The following HDAC9 variants were observed in gnomAD, a reference collection of about 807,000 sequenced individuals.
HDAC9 encodes the protein MEF-2 interacting transcription repressor (MITR) protein.
A neutral mutation model predicts 139.4 loss-of-function variants in HDAC9; 41 were observed. The ratio of observed to expected loss-of-function variants is 0.29; its 90% CI spans 0.23 to 0.38. HDAC9 has a LOEUF of 0.38. Among genes scored for constraint, HDAC9 ranks in the 10% least tolerant of loss-of-function variants. The pLI, the probability that HDAC9 is intolerant of heterozygous loss-of-function variation, is 1.00. For synonymous variants in HDAC9, 517 were observed against 476.2 expected, an observed-to-expected ratio of 1.09 and a Z score of -1.12; for missense variants, 1,147 against 1,297.0, an observed-to-expected ratio of 0.88 and a Z score of 1.78.
At chr7:18,206,118 A>G (rs1791493778) in intron 2 of HDAC9, among the ~76,000 whole-genome samples, 1 of 152,132 alleles carries the variant, frequency 6.6e-6, no homozygotes, top group African/African-American at 2.4e-5. Flanking sequence ...TTTTATGAAA[A>G]CCTGATTGGA....
chr7:18,729,341 T>G (rs1003463728), intron 13 of HDAC9, among the ~76,000 whole-genome samples: 6 of 152,132 alleles, frequency 3.9e-5, no homozygotes, highest in Non-Finnish European at 7.4e-5. Context: ...TTAAGTAAGC[T>G]TAACTACAAA....
intron 22 of HDAC9, chr7:18,907,064 A>C (rs78559311): frequency 6.6e-6 from 1 of 152,222 alleles, no homozygotes; most frequent in Non-Finnish European, 1.5e-5. Context: ...ACCAGCTGCA[A>C]GTGCATCCAA....
intron 12 of HDAC9, among the ~76,000 whole-genome samples, chr7:18,707,686 A>G (rs916657582): frequency 1.3e-5 from 2 of 152,174 alleles, no homozygotes; most frequent in African/African-American, 4.8e-5. Context: ...CATGGTGGAT[A>G]TGGGCAATTA....
intron 1 of HDAC9, among the ~76,000 whole-genome samples, chr7:18,143,757 C>A (rs1039618008): frequency 6.7e-6 from 1 of 150,176 alleles, no homozygotes; most frequent in Non-Finnish European, 1.5e-5. Context: ...CGCACCATTA[C>A]ACTCTAGCCT....
chr7:18,489,766 T>C (rs1796230270), intron 1 of HDAC9, among the ~76,000 whole-genome samples: 1 of 152,094 alleles, frequency 6.6e-6, no homozygotes, highest in South Asian at 2.1e-4. Context: ...TATTAAGTTT[T>C]CCTTATCTCT....
chr7:18,549,324 T>C (rs544919241), intron 2 of HDAC9, among the ~76,000 whole-genome samples: 2 of 152,224 alleles, frequency 1.3e-5, no homozygotes, highest in Admixed American at 6.5e-5. Flanking sequence ...TTAAAACTTA[T>C]GTTCGCACAG....
intron 12 of HDAC9, among the ~76,000 whole-genome samples, chr7:18,706,957 C>G (rs1047714043): frequency 6.6e-6 from 1 of 152,016 alleles, no homozygotes. Flanking sequence ...GCTCCCCAGA[C>G]GAGGTTATGG....
At chr7:18,127,539 A>C (rs558553844) in intron 1 of HDAC9, among the ~76,000 whole-genome samples, 1 of 152,206 alleles carries the variant, frequency 6.6e-6, no homozygotes, top group African/African-American at 2.4e-5. Flanking sequence ...TTAAACATTA[A>C]CTGGGGACCT....
upstream of HDAC9, among the ~76,000 whole-genome samples, chr7:18,285,760 A>G (rs539810491): frequency 4.6e-5 from 7 of 152,226 alleles, no homozygotes; most frequent in East Asian, 1.3e-3. Context: ...TTCAGCAAGT[A>G]CATATTTAGA....
At chr7:18,644,895 A>T in intron 9 of HDAC9, 102 bp downstream of exon 9, 2 of 1,190,006 alleles carry the variant, frequency 1.7e-6, no homozygotes, top group Admixed American at 5.8e-5. Flanking sequence ...GAAAAACTTG[A>T]CAGAGCCAGC....
intron 2 of HDAC9, among the ~76,000 whole-genome samples, chr7:18,260,896 A>C (rs758233034): frequency 6.6e-6 from 1 of 152,214 alleles, no homozygotes; most frequent in Non-Finnish European, 1.5e-5. Context: ...AGAAGTCATA[A>C]AGAGCTGTGT....
chr7:18,380,465 T>G (rs970015632), intron 1 of HDAC9, among the ~76,000 whole-genome samples: 1 of 152,196 alleles, frequency 6.6e-6, no homozygotes, highest in Non-Finnish European at 1.5e-5. Context: ...ACCAAAGCAT[T>G]ACTTGTTATA....
At chr7:18,562,716 G>A (rs899061547) in intron 2 of HDAC9, among the ~76,000 whole-genome samples, 16 of 151,908 alleles carry the variant, frequency 1.1e-4, no homozygotes, top group Admixed American at 7.9e-4. Flanking sequence ...CCATTCTAAG[G>A]TTATTTTAGC....
intron 1 of HDAC9, among the ~76,000 whole-genome samples, chr7:18,345,779 G>T (rs1782365438): frequency 6.6e-6 from 1 of 151,816 alleles, no homozygotes; most frequent in African/African-American, 2.4e-5. Context: ...TTTACAAGTT[G>T]GTGCTGCCTA....
At chr7:18,735,953 C>A (rs1214435205) in intron 13 of HDAC9, among the ~76,000 whole-genome samples, 1 of 152,072 alleles carries the variant, frequency 6.6e-6, no homozygotes. Flanking sequence ...GTTTCACATC[C>A]CTTGTAAGTT....
intron 1 of HDAC9, among the ~76,000 whole-genome samples, chr7:18,382,309 T>TA (rs1562936955): frequency 6.6e-6 from 1 of 152,176 alleles, no homozygotes; most frequent in African/African-American, 2.4e-5. Context: ...ACATTTTTAG[T>TA]AAAAAATAAG....
intron 17 of HDAC9, among the ~76,000 whole-genome samples, chr7:18,816,623 C>T (rs118036683): frequency 1.5e-3 from 236 of 152,312 alleles, no homozygotes; most frequent in Non-Finnish European, 2.3e-3. Context: ...GGAAAGACTT[C>T]GTTTTCTCTC....
intron 13 of HDAC9, among the ~76,000 whole-genome samples, chr7:18,741,041 G>A (rs1162014690): frequency 1.3e-5 from 2 of 152,192 alleles, no homozygotes; most frequent in African/African-American, 2.4e-5. Flanking sequence ...GGCTCTTGAG[G>A]TTTAAGGAAA....
At chr7:18,877,392 T>C (rs1277330270) in intron 22 of HDAC9, among the ~76,000 whole-genome samples, 1 of 152,182 alleles carries the variant, frequency 6.6e-6, no homozygotes, top group Non-Finnish European at 1.5e-5. Flanking sequence ...TCCTTTATTG[T>C]GGGAGTAGGG....
Sources: allele counts gnomAD v4.1 joint callset (sites outside exome capture counted in the v4.1 genomes callset), GRCh38; gene constraint gnomAD v4.1.1; transcripts MANE v1.5; gene names NCBI Gene and HGNC (gene_info 2026-07-23, HGNC 2026-07-21).